MIPOL1: variants seen among roughly 807,000 people sequenced by gnomAD.
The protein encoded by MIPOL1 is mirror-image polydactyly 1.
MIPOL1 carries 57 observed loss-of-function variants against 60.9 expected under a neutral mutation model. That is an observed-to-expected ratio of 0.94 (90% confidence interval 0.76 to 1.17). The LOEUF (loss-of-function observed/expected upper bound fraction) is 1.17, where lower values mean the gene tolerates loss of function less well. Among genes scored for constraint, MIPOL1 ranks in the 50% most tolerant of loss-of-function variants. The pLI is 0.00. For missense variants in MIPOL1, 551 were observed against 511.6 expected (o/e 1.08, Z -0.74); for synonymous variants, 179 against 168.8 (o/e 1.06, Z -0.47).
chr14:37,298,219 A>C (rs1004691026), intron 7 of MIPOL1, among the ~76,000 whole-genome samples: 1 of 152,236 alleles, frequency 6.6e-6, no homozygotes, highest in Non-Finnish European at 1.5e-5. Context: ...CCTATTTAAT[A>C]AATGGTGCTG....
rs549810520 is a variant in MIPOL1 at position 37,286,670 on chromosome 14, C to G, written c.623+1223C>G. Among the ~76,000 whole-genome samples the G allele has an allele frequency of 1.3e-4, 20 of 151,992 alleles. No homozygotes were observed. The South Asian group carries it at 4.0e-3, about 30-fold the overall frequency. On this transcript the variant is annotated intron_variant, in intron 7 of 12. Transcript: ENST00000684589. ...GCCATAAATAATTAATAATATGTGT[C>G]CAAGTTGTGATTAGGTAATATTTGT...
chr14:37,442,680 T>C (rs965249208), intron 11 of MIPOL1, among the ~76,000 whole-genome samples: 2 of 151,292 alleles, frequency 1.3e-5, no homozygotes, highest in Non-Finnish European at 2.9e-5. Flanking sequence ...ATAAAAAATT[T>C]AAAAAATTGT....
chr14:37,542,411 G>A (rs988170951), intron 12 of MIPOL1, among the ~76,000 whole-genome samples: 4 of 151,848 alleles, frequency 2.6e-5, no homozygotes, highest in Non-Finnish European at 4.4e-5. Context: ...AGTTGCAACC[G>A]AAAGTAAAAT....
At chr14:37,257,282 C>T (rs916744017) in intron 3 of MIPOL1, among the ~76,000 whole-genome samples, 1 of 151,926 alleles carries the variant, frequency 6.6e-6, no homozygotes, top group Non-Finnish European at 1.5e-5. Flanking sequence ...TTACCCATCC[C>T]TTATGAGGTG....
chr14:37,446,684 A>G (rs1248680076), intron 11 of MIPOL1, among the ~76,000 whole-genome samples: 1 of 152,192 alleles, frequency 6.6e-6, no homozygotes, highest in Non-Finnish European at 1.5e-5. Flanking sequence ...CAAATGTCCA[A>G]CAATGATAGA....
intron 11 of MIPOL1, among the ~76,000 whole-genome samples, chr14:37,475,058 G>A (rs184032675): frequency 4.0e-5 from 6 of 151,780 alleles, no homozygotes; most frequent in African/African-American, 1.5e-4. Flanking sequence ...TCCACCTCCC[G>A]GGTTCAAGCG....
intron 11 of MIPOL1, among the ~76,000 whole-genome samples, chr14:37,478,814 A>G (rs1344718885): frequency 6.6e-6 from 1 of 152,260 alleles, no homozygotes; most frequent in African/African-American, 2.4e-5. Context: ...AATTATAATA[A>G]TGATAGAGGA....
chr14:37,451,186 A>G (rs80193473), intron 11 of MIPOL1, among the ~76,000 whole-genome samples: 3 of 152,198 alleles, frequency 2.0e-5, no homozygotes, highest in Non-Finnish European at 4.4e-5. Flanking sequence ...CAAGGGCAAT[A>G]TTAGCTACTT....
At chr14:37,476,209 A>G (rs1296384358) in intron 11 of MIPOL1, among the ~76,000 whole-genome samples, 2 of 152,168 alleles carry the variant, frequency 1.3e-5, no homozygotes, top group African/African-American at 2.4e-5. Context: ...TAGGAAAGCA[A>G]TTGACCTTAA....
chr14:37,311,558 T>A (rs1354565202), intron 9 of MIPOL1, among the ~76,000 whole-genome samples: 1 of 152,218 alleles, frequency 6.6e-6, no homozygotes. Context: ...ATTTTAATTT[T>A]TATGTTAGTC....
At chr14:37,526,129 T>G (rs1458346439) in intron 12 of MIPOL1, among the ~76,000 whole-genome samples, 2 of 151,722 alleles carry the variant, frequency 1.3e-5, no homozygotes, top group African/African-American at 2.4e-5. Context: ...ATATGATTTC[T>G]TAATAATTTG....
chr14:37,473,186 G>T (rs182328240), intron 11 of MIPOL1, among the ~76,000 whole-genome samples: 1 of 151,878 alleles, frequency 6.6e-6, no homozygotes, highest in African/African-American at 2.4e-5. Flanking sequence ...GTTCTTTCTC[G>T]ATTAAAGATA....
intron 6 of MIPOL1, among the ~76,000 whole-genome samples, chr14:37,275,064 C>G (rs186413723): frequency 1.3e-5 from 2 of 150,612 alleles, no homozygotes; most frequent in Admixed American, 1.3e-4. Flanking sequence ...TTGAGTTTTC[C>G]TAGATTTTTA....
At chr14:37,266,548 G>A (rs139153333) in intron 3 of MIPOL1, among the ~76,000 whole-genome samples, 1 of 152,250 alleles carries the variant, frequency 6.6e-6, no homozygotes, top group Non-Finnish European at 1.5e-5. Flanking sequence ...GTTACTGAAA[G>A]CATTATCAAA....
chr14:37,369,270 C>T (rs2092570449), intron 9 of MIPOL1, among the ~76,000 whole-genome samples: 1 of 151,650 alleles, frequency 6.6e-6, no homozygotes, highest in African/African-American at 2.4e-5. Flanking sequence ...TTTTATAAAA[C>T]TATTTTTGTG....
chr14:37,444,674 A>T (rs902454649), intron 11 of MIPOL1, among the ~76,000 whole-genome samples: 3 of 152,188 alleles, frequency 2.0e-5, no homozygotes, highest in African/African-American at 7.2e-5. Context: ...AAATGTATAT[A>T]TAGATCCGGA....
chr14:37,515,018 T>A (rs1004166182), intron 12 of MIPOL1, among the ~76,000 whole-genome samples: 3 of 152,178 alleles, frequency 2.0e-5, no homozygotes, highest in Admixed American at 1.3e-4. Context: ...CCCTACTGGG[T>A]CAGGGATTTG....
intron 11 of MIPOL1, among the ~76,000 whole-genome samples, chr14:37,476,435 T>C (rs2094775093): frequency 6.6e-6 from 1 of 152,200 alleles, no homozygotes; most frequent in Admixed American, 6.5e-5. Flanking sequence ...TTTCTTTTCT[T>C]GTCTTACTGC....
chr14:37,336,273 T>G (rs988489150), intron 9 of MIPOL1, among the ~76,000 whole-genome samples: 1 of 151,548 alleles, frequency 6.6e-6, no homozygotes, highest in Admixed American at 6.6e-5. Context: ...CTGGTCTACA[T>G]GTCTGTCTTT....
Sources: allele counts gnomAD v4.1 joint callset (sites outside exome capture counted in the v4.1 genomes callset), GRCh38; gene constraint gnomAD v4.1.1; transcripts MANE v1.5; gene names NCBI Gene and HGNC (gene_info 2026-07-23, HGNC 2026-07-21).